DACH1: variants seen among roughly 807,000 people sequenced by gnomAD.
The protein encoded by DACH1 is dachshund family transcription factor 1.
Under a neutral mutation model 54.2 loss-of-function variants are expected in DACH1, and 12 were observed. The observed-to-expected ratio is 0.22, with a 90% confidence interval of 0.14 to 0.36. The LOEUF is 0.36. DACH1 is among the 10% of genes least tolerant of loss of function. The pLI is 1.00. For missense variants in DACH1, 805 were observed against 929.8 expected (o/e 0.87, Z 1.75); for synonymous variants, 386 against 366.2 (o/e 1.05, Z -0.62).
chr13:71,692,466 T>C (rs1423271839), intron 1 of DACH1, among the ~76,000 whole-genome samples: 2 of 151,230 alleles, frequency 1.3e-5, no homozygotes, highest in African/African-American at 4.9e-5. Context: ...GCCTGTGTTA[T>C]TTCTTTCTTT....
intron 4 of DACH1, among the ~76,000 whole-genome samples, chr13:71,568,726 T>C (rs1385884846): frequency 1.3e-5 from 2 of 152,118 alleles, no homozygotes; most frequent in Non-Finnish European, 2.9e-5. Flanking sequence ...GTGGGAATTA[T>C]TTCTCCATTA....
chr13:71,805,718 T>C (rs1307446718), intron 1 of DACH1, among the ~76,000 whole-genome samples: 1 of 152,198 alleles, frequency 6.6e-6, no homozygotes, highest in Non-Finnish European at 1.5e-5. Context: ...ATTTTAGCAA[T>C]AATTAGGAGG....
intron 1 of DACH1, among the ~76,000 whole-genome samples, chr13:71,761,322 A>G (rs1177975920): frequency 1.3e-5 from 2 of 152,206 alleles, no homozygotes; most frequent in East Asian, 3.8e-4. Context: ...TACAATGTGT[A>G]TAATAGCACC....
At chr13:71,470,313 CTT>C (rs67360461) in intron 10 of DACH1, among the ~76,000 whole-genome samples, 265 of 139,334 alleles carry the variant, frequency 1.9e-3, no homozygotes, top group Middle Eastern at 3.7e-3. Flanking sequence ...TCTGTTTTTT[CTT>C]TTTTTTTTTT....
chr13:71,693,765 C>A (rs1881660606), intron 1 of DACH1, among the ~76,000 whole-genome samples: 1 of 151,996 alleles, frequency 6.6e-6, no homozygotes, highest in Admixed American at 6.6e-5. Context: ...CTATTTTATT[C>A]TTGTTGTTCA....
At chr13:71,630,517 A>G (rs45594831) in intron 3 of DACH1, 39 bp downstream of exon 3, 1 of 1,526,154 alleles carries the variant, frequency 6.6e-7, no homozygotes, top group South Asian at 1.3e-5. Context: ...ATTCAGTAGC[A>G]AAGTGATCAC....
intron 3 of DACH1, among the ~76,000 whole-genome samples, chr13:71,574,475 A>G (rs1474003148): frequency 2.0e-5 from 3 of 152,128 alleles, no homozygotes; most frequent in Admixed American, 1.3e-4. Flanking sequence ...TAAAACTCCA[A>G]TTTAATGCTT....
intron 3 of DACH1, among the ~76,000 whole-genome samples, chr13:71,578,914 C>T (rs1482259185): frequency 6.6e-6 from 1 of 152,038 alleles, no homozygotes; most frequent in African/African-American, 2.4e-5. Context: ...ATTCTTACAT[C>T]AATTTATTTT....
chr13:71,690,955 C>T (rs1187589677), intron 1 of DACH1, among the ~76,000 whole-genome samples: 1 of 152,106 alleles, frequency 6.6e-6, no homozygotes, highest in Non-Finnish European at 1.5e-5. Context: ...TTTTTTACAC[C>T]AACTATGAAC....
intron 3 of DACH1, among the ~76,000 whole-genome samples, chr13:71,581,920 A>T (rs1024846344): frequency 2.6e-5 from 4 of 152,164 alleles, no homozygotes; most frequent in African/African-American, 9.7e-5. Flanking sequence ...GACTGGTTGA[A>T]TATGAGATGT....
intron 7 of DACH1, among the ~76,000 whole-genome samples, chr13:71,484,915 A>G (rs1878353960): frequency 6.6e-6 from 1 of 152,064 alleles, no homozygotes; most frequent in Non-Finnish European, 1.5e-5. Flanking sequence ...CTTTTTAAAA[A>G]TTGCCAGGTT....
intron 3 of DACH1, among the ~76,000 whole-genome samples, chr13:71,578,109 A>G (rs1247843826): frequency 6.6e-6 from 1 of 152,198 alleles, no homozygotes; most frequent in East Asian, 1.9e-4. Flanking sequence ...CTGTATTACT[A>G]TCATTTATAC....
At chr13:71,865,285 G>T (rs1874652300) in intron 1 of DACH1, among the ~76,000 whole-genome samples, 2 of 152,152 alleles carry the variant, frequency 1.3e-5, no homozygotes, top group African/African-American at 4.8e-5. Flanking sequence ...CCATCCCCCG[G>T]GATGGACCCG....
intron 1 of DACH1, among the ~76,000 whole-genome samples, chr13:71,752,198 A>T (rs1443143732): frequency 6.6e-6 from 1 of 152,176 alleles, no homozygotes; most frequent in Non-Finnish European, 1.5e-5. Flanking sequence ...ATGCTCTGAA[A>T]GCTCCTTCTG....
chr13:71,863,893 A>G (rs982972160), intron 1 of DACH1, among the ~76,000 whole-genome samples: 1 of 150,660 alleles, frequency 6.6e-6, no homozygotes, highest in African/African-American at 2.5e-5. Context: ...ATTAAAGAGA[A>G]AAAAAAAGTA....
chr13:71,817,483 G>T (rs1888003989), intron 1 of DACH1, among the ~76,000 whole-genome samples: 1 of 152,180 alleles, frequency 6.6e-6, no homozygotes, highest in South Asian at 2.1e-4. Flanking sequence ...GGTGTTGGTA[G>T]TTCTAGGGAC....
At chr13:71,800,146 C>G (rs1887232864) in intron 1 of DACH1, among the ~76,000 whole-genome samples, 1 of 151,964 alleles carries the variant, frequency 6.6e-6, no homozygotes, top group South Asian at 2.1e-4. Context: ...TTATAAAAAG[C>G]GAAAGTTGGA....
intron 1 of DACH1, among the ~76,000 whole-genome samples, chr13:71,688,142 C>T (rs571241239): frequency 1.3e-5 from 2 of 152,110 alleles, no homozygotes; most frequent in Non-Finnish European, 2.9e-5. Flanking sequence ...CTTGTGAGAA[C>T]TATAAACTAT....
At chr13:71,467,547 TA>T (rs200511669) in intron 10 of DACH1, among the ~76,000 whole-genome samples, 51 of 151,068 alleles carry the variant, frequency 3.4e-4, no homozygotes, top group African/African-American at 7.5e-4. Context: ...TATGCTGAAA[TA>T]AAAAAAATTC....
Sources: gnomAD v4.1 joint callset for allele counts (sites outside exome capture counted in the v4.1 genomes callset) on GRCh38, gnomAD v4.1.1 for gene constraint, MANE v1.5 for transcripts, NCBI Gene and HGNC (gene_info 2026-07-23, HGNC 2026-07-21) for gene names.